Variants in CTDNEP1 observed in about 807,000 individuals in gnomAD.
The protein encoded by CTDNEP1 is C-terminal domain nuclear envelope phosphatase 1.
CTDNEP1 carries 3 observed loss-of-function variants against 30.1 expected under a neutral mutation model. That is an observed-to-expected ratio of 0.10 (90% CI 0.05 to 0.26). The LOEUF is 0.26. Ranked by LOEUF, CTDNEP1 falls within the 10% of genes least tolerant of loss-of-function variation. The probability of loss-of-function intolerance (pLI) is 1.00; values close to 1 mark genes in which losing one functional copy is unlikely to be tolerated. For synonymous variants in CTDNEP1, 123 were observed against 118.8 expected (o/e 1.04, Z -0.23); for missense variants, 158 against 310.4 (o/e 0.51, Z 3.69).
chr17:7,245,274 AGTGCGAGACT>A (rs2071820814), intron 6 of CTDNEP1, among the ~76,000 whole-genome samples: 1 of 151,530 alleles, frequency 6.6e-6, no homozygotes, highest in Non-Finnish European at 1.5e-5. Context: ...CCTGGGTGAC[AGTGCGAGACT>A]CTGTCTCAAA....
intron 1 of CTDNEP1, among the ~76,000 whole-genome samples, chr17:7,249,490 A>G (rs973569444): frequency 6.6e-6 from 1 of 152,222 alleles, no homozygotes; most frequent in African/African-American, 2.4e-5. Context: ...ACAAAAGGCT[A>G]TGGGGTCAGT....
At chr17:7,244,686 G>C (rs1226563254) in intron 6 of CTDNEP1, 51 bp from the exon 7 acceptor site, 1 of 1,358,916 alleles carries the variant, frequency 7.4e-7, no homozygotes, top group Non-Finnish European at 1.0e-6. Flanking sequence ...AAGAGAGACG[G>C]TGTTTTTCTC....
chr17:7,250,369 C>G (rs1025217242), intron 1 of CTDNEP1, among the ~76,000 whole-genome samples: 16 of 152,186 alleles, frequency 1.1e-4, no homozygotes, highest in Non-Finnish European at 2.2e-4. Context: ...GGACCTCTGA[C>G]CTTGGAGAAA....
At chr17:7,251,120 C>T in intron 1 of CTDNEP1, 75 bp downstream of exon 1, 1 of 1,072,976 alleles carries the variant, frequency 9.3e-7, no homozygotes, top group Non-Finnish European at 1.3e-6. Context: ...ACTCCGAAAA[C>T]CCCTGAGCAC....
rs868635572 is a variant in CTDNEP1 at position 7,244,108 on chromosome 17, C to G, written c.*77G>C. 4 of 1,595,706 alleles carry G rather than the reference C, an allele frequency of 2.5e-6. No individual in the cohort carries two copies. Among genetic ancestry groups the G allele is most frequent in the Non-Finnish European group, 3.4e-6 (4 of 1,170,280 alleles). On this transcript the variant is annotated 3_prime_UTR_variant, in exon 8 of 8. Coordinates refer to ENST00000574322, the MANE Select transcript of CTDNEP1 (RefSeq NM_001143775.2). Reference sequence around the variant, plus strand: ...CTGCCCAGGCAGTCCTCACATTGGACAGGGCATCAGACGGCATCCCAAGGG... The same window carrying G: ...CTGCCCAGGCAGTCCTCACATTGGAGAGGGCATCAGACGGCATCCCAAGGG...
At chr17:7,245,874 GAA>G in intron 6 of CTDNEP1, 150 bp downstream of exon 6, 1 of 587,170 alleles carries the variant, frequency 1.7e-6, no homozygotes, top group Non-Finnish European at 3.1e-6. Flanking sequence ...TATCTCATTT[GAA>G]ACACAAAAAT....
In CTDNEP1 at chr17:7,243,761, C is replaced by T. The variant is rs1035691036; in HGVS notation, c.*424G>A. ...AAATCCCAGTATCCCACCCACAGCC[C>T]AGCCCTTGGAGCAGGAGTGAAGAAT... On this transcript the variant is annotated 3_prime_UTR_variant, in exon 8 of 8. Transcript: ENST00000574322. The T allele has an allele frequency of 4.8e-6, 1 of 207,948 alleles. No individual in the cohort carries two copies. The highest frequency in any genetic ancestry group is 1.2e-4 in the South Asian group (1 of 8,582). The allele number at this position is 207,948 out of a possible 1,614,324, so 12.9% of individuals were successfully genotyped here.
intron 1 of CTDNEP1, among the ~76,000 whole-genome samples, chr17:7,249,818 G>A (rs1199580874): frequency 1.3e-5 from 2 of 152,156 alleles, no homozygotes; most frequent in East Asian, 3.9e-4. Context: ...GGCTGAAGCA[G>A]GAGAATCGCT....
chr17:7,250,989 A>T (rs1399389060), intron 1 of CTDNEP1, among the ~76,000 whole-genome samples: 2 of 151,204 alleles, frequency 1.3e-5, no homozygotes, highest in Non-Finnish European at 2.9e-5. Flanking sequence ...CCCCATCAAA[A>T]CCCCCAAGGG....
chr17:7,251,054 C>T, intron 1 of CTDNEP1, 141 bp downstream of exon 1: 1 of 582,406 alleles, frequency 1.7e-6, no homozygotes. Flanking sequence ...GCCCAATTCT[C>T]TGGCGAGAAA....
chr17:7,244,305 C>G, intron 7 of CTDNEP1, 60 bp from the exon 8 acceptor site: 2 of 1,545,158 alleles, frequency 1.3e-6, no homozygotes, highest in Non-Finnish European at 1.8e-6. Context: ...TCACAACACT[C>G]TTGTAAGGCA....
chr17:7,243,985 AGAGT>A lies in CTDNEP1; in HGVS notation c.*196_*199del. ...TCCATGGAGTGTGAACACGAAGTTA[AGAGT>A]GAGGCTGCTTCAGAGCCCCTGGCCC... On this transcript the variant is annotated 3_prime_UTR_variant, in exon 8 of 8. Transcript: ENST00000574322. The A allele has an allele frequency of 7.2e-7, 1 of 1,395,000 alleles. No individual in the cohort carries two copies. Among genetic ancestry groups the A allele is most frequent in the Non-Finnish European group, 9.3e-7 (1 of 1,073,352 alleles). The allele number at this position is 1,395,000 out of a possible 1,614,324, so 86.4% of individuals were successfully genotyped here.
intron 1 of CTDNEP1, among the ~76,000 whole-genome samples, chr17:7,250,740 G>A (rs2071906577): frequency 6.6e-6 from 1 of 152,062 alleles, no homozygotes; most frequent in Non-Finnish European, 1.5e-5. Context: ...TGTTTGTAAC[G>A]TATGCCCTCC....
At chr17:7,247,928 T>A (rs956405577) in intron 1 of CTDNEP1, among the ~76,000 whole-genome samples, 1 of 151,970 alleles carries the variant, frequency 6.6e-6, no homozygotes, top group Non-Finnish European at 1.5e-5. Context: ...ATGGCTGTAT[T>A]CCCAGTGCCT....
chr17:7,250,716 C>G (rs562915610), intron 1 of CTDNEP1, among the ~76,000 whole-genome samples: 2 of 152,184 alleles, frequency 1.3e-5, no homozygotes, highest in African/African-American at 4.8e-5. Context: ...AGGGCTTTCC[C>G]AAGTTCCCGT....
At chr17:7,244,703 G>C in intron 6 of CTDNEP1, 68 bp from the exon 7 acceptor site, 2 of 1,191,100 alleles carry the variant, frequency 1.7e-6, no homozygotes, top group South Asian at 1.5e-5. Context: ...TCTCTTCTTG[G>C]AGGGAAGGAG....
chr17:7,250,242 T>G (rs1472232065), intron 1 of CTDNEP1, among the ~76,000 whole-genome samples: 1 of 152,160 alleles, frequency 6.6e-6, no homozygotes, highest in Non-Finnish European at 1.5e-5. Flanking sequence ...CAGACCACAG[T>G]ACAGACCCAG....
At chr17:7,249,039 C>A (rs1488549719) in intron 1 of CTDNEP1, among the ~76,000 whole-genome samples, 1 of 152,208 alleles carries the variant, frequency 6.6e-6, no homozygotes, top group Admixed American at 6.5e-5. Flanking sequence ...CCCTGCCAGG[C>A]TGACTGGCAG....
chr17:7,249,895 A>C (rs918058616), intron 1 of CTDNEP1, among the ~76,000 whole-genome samples: 7 of 152,096 alleles, frequency 4.6e-5, no homozygotes, highest in African/African-American at 1.7e-4. Context: ...TGGGCGACAA[A>C]GCGAGACTGT....
Sources: gnomAD v4.1 joint callset for allele counts (sites outside exome capture counted in the v4.1 genomes callset) on GRCh38, gnomAD v4.1.1 for gene constraint, MANE v1.5 for transcripts, NCBI Gene and HGNC (gene_info 2026-07-23, HGNC 2026-07-21) for gene names.